ADAMTS20: variants seen among roughly 807,000 people sequenced by gnomAD.
ADAMTS20 encodes ADAM metallopeptidase with thrombospondin type 1 motif 20.
ADAMTS20 carries 225 observed loss-of-function variants against 260.1 expected under a neutral mutation model. The observed-to-expected ratio is 0.87, with a 90% CI of 0.78 to 0.97. The LOEUF (loss-of-function observed/expected upper bound fraction) is 0.97, where lower values mean the gene tolerates loss of function less well. Ranked by LOEUF, ADAMTS20 falls within the 50% of genes least tolerant of loss-of-function variation. ADAMTS20 has a pLI of 0.00. For synonymous variants in ADAMTS20, 802 were observed against 769.5 expected, an observed-to-expected ratio of 1.04 and a Z score of -0.70; for missense variants, 2,400 against 2,337.7, an observed-to-expected ratio of 1.03 and a Z score of -0.55.
intron 2 of ADAMTS20, among the ~76,000 whole-genome samples, chr12:43,536,274 C>A (rs760131337): frequency 1.6e-4 from 25 of 152,090 alleles, no homozygotes; most frequent in Non-Finnish European, 3.5e-4. Context: ...TTTGGCTTCA[C>A]AATTCATGCC....
At position 43,453,955 on chromosome 12, in the gene ADAMTS20, G is replaced by A. The variant is rs149746930; in HGVS notation, c.1712C>T (p.Thr571Ile). 2.0e-5 allele frequency: 32 copies of A among 1,612,702 alleles called. No individual in the cohort carries two copies. Among genetic ancestry groups the A allele is most frequent in the Non-Finnish European group, 2.6e-5 (31 of 1,179,374 alleles). ...PWEPYSSCSR[T>I]CGGGIESATR... is the part of the protein sequence containing the mutation. ...TGCACTTTCGATTCCGCCTCCACAT[G>A]TTCTTGAACAAGAACTGTAAGGTTC... is the stretch of plus-strand genomic sequence containing the variant. Residue 571 changes from threonine to isoleucine, a missense_variant, in exon 12 of 39, where the codon ACA becomes ATA. Coordinates refer to ENST00000389420, the MANE Select transcript of ADAMTS20 (RefSeq NM_025003.5).
rs746098727 is a variant in ADAMTS20 at position 43,551,220 on chromosome 12, C to T, written c.142G>A (p.Val48Ile). The part of the protein sequence containing the change: ...TSYEVVIPER[V>I]NEFGEVFPQS... ...GGGAACACTTCTCCAAACTCATTGACCCGCTCGGGGATCACTACTTCGTAG... is the reference window on the plus strand; with the variant it reads ...GGGAACACTTCTCCAAACTCATTGATCCGCTCGGGGATCACTACTTCGTAG... Residue 48 changes from valine to isoleucine, a missense_variant, in exon 2 of 39, where the codon GTC (valine) becomes ATC (isoleucine). Transcript: ENST00000389420. This position sits in a 1 kb window ranked among gnomAD's most constrained non-coding sequence, Gnocchi z 4.6. The T allele has an allele frequency of 1.1e-5, 17 of 1,613,744 alleles. No individual in the cohort carries two copies. The South Asian group carries it at 1.3e-4, about 13-fold the overall frequency.
intron 11 of ADAMTS20, among the ~76,000 whole-genome samples, chr12:43,461,138 C>T (rs2137371280): frequency 6.6e-6 from 1 of 150,766 alleles, no homozygotes; most frequent in Non-Finnish European, 1.5e-5. Context: ...TTACAGGCGC[C>T]TGTCACCACG....
At chr12:43,514,773 T>C (rs1407542554) in intron 3 of ADAMTS20, among the ~76,000 whole-genome samples, 2 of 152,106 alleles carry the variant, frequency 1.3e-5, no homozygotes, top group African/African-American at 4.8e-5. Context: ...GAAAATCTTA[T>C]ATCAGTGAAT....
chr12:43,535,432 G>A (rs1484166681), intron 2 of ADAMTS20, among the ~76,000 whole-genome samples: 1 of 151,910 alleles, frequency 6.6e-6, no homozygotes, highest in Non-Finnish European at 1.5e-5. Flanking sequence ...AAACTTGGGT[G>A]AGAAAAAAAA....
intron 4 of ADAMTS20, among the ~76,000 whole-genome samples, chr12:43,496,658 A>C (rs1169073323): frequency 6.6e-6 from 1 of 152,100 alleles, no homozygotes; most frequent in Non-Finnish European, 1.5e-5. Context: ...TTTAATATCC[A>C]TGTTGAGGCA....
At chr12:43,475,606 A>C (rs1942338635) in intron 7 of ADAMTS20, among the ~76,000 whole-genome samples, 1 of 152,190 alleles carries the variant, frequency 6.6e-6, no homozygotes, top group South Asian at 2.1e-4. Context: ...CTACAAGGCT[A>C]CAGTAACCAA....
At chr12:43,414,389 T>TGG (rs1206577553) in intron 28 of ADAMTS20, among the ~76,000 whole-genome samples, 1 of 152,130 alleles carries the variant, frequency 6.6e-6, no homozygotes, top group Non-Finnish European at 1.5e-5. Context: ...TCTCAGTAGC[T>TGG]ATTCCTGGGA....
At chr12:43,499,486 A>ATTT (rs71091160) in intron 4 of ADAMTS20, among the ~76,000 whole-genome samples, 1 of 126,102 alleles carries the variant, frequency 7.9e-6, no homozygotes, top group African/African-American at 3.0e-5. Context: ...GATGATACTG[A>ATTT]TTTTTTTTTT....
At chr12:43,506,325 G>A (rs7955013) in intron 3 of ADAMTS20, among the ~76,000 whole-genome samples, 52,862 of 151,802 alleles carry the variant, frequency 0.35, 9,799 homozygotes, top group East Asian at 0.75. Flanking sequence ...TGGTTACCAG[G>A]GGATAGAGAA....
intron 3 of ADAMTS20, among the ~76,000 whole-genome samples, chr12:43,520,623 C>A (rs1943058125): frequency 6.6e-6 from 1 of 152,098 alleles, no homozygotes; most frequent in South Asian, 2.1e-4. Context: ...CATAAGTGAT[C>A]TTTGAAAGAG....
At chr12:43,389,867 C>T (rs1940561730) in intron 29 of ADAMTS20, among the ~76,000 whole-genome samples, 1 of 152,174 alleles carries the variant, frequency 6.6e-6, no homozygotes, top group Non-Finnish European at 1.5e-5. Context: ...CTTCCTTGCT[C>T]ATGTGCCCAA....
At chr12:43,423,544 T>C (rs1941273568) in intron 28 of ADAMTS20, 8 of 593,360 alleles carry the variant, frequency 1.3e-5, no homozygotes, top group Admixed American at 6.0e-5. Context: ...TCTGCTCTCC[T>C]AATTGGGAAA....
At chr12:43,479,839 T>C (rs1251541790) in intron 7 of ADAMTS20, among the ~76,000 whole-genome samples, 2 of 151,812 alleles carry the variant, frequency 1.3e-5, no homozygotes, top group Non-Finnish European at 2.9e-5. Flanking sequence ...CAGACATTCA[T>C]GAAATAAAAA....
At chr12:43,467,861 T>G (rs1942183555) in intron 8 of ADAMTS20, among the ~76,000 whole-genome samples, 1 of 152,138 alleles carries the variant, frequency 6.6e-6, no homozygotes, top group African/African-American at 2.4e-5. Flanking sequence ...ACTAGGAAAT[T>G]AAATGTGGTC....
At chr12:43,458,372 T>C (rs1387037017) in intron 11 of ADAMTS20, among the ~76,000 whole-genome samples, 1 of 152,262 alleles carries the variant, frequency 6.6e-6, no homozygotes, top group Non-Finnish European at 1.5e-5. Flanking sequence ...AAGATATTTT[T>C]CTTTCACACC....
intron 18 of ADAMTS20, among the ~76,000 whole-genome samples, chr12:43,435,690 A>AAT (rs58070036): frequency 6.7e-6 from 1 of 149,732 alleles, no homozygotes; most frequent in East Asian, 2.0e-4. Context: ...AAATAAAAAA[A>AAT]GTCTATAAAA....
intron 36 of ADAMTS20, among the ~76,000 whole-genome samples, chr12:43,373,482 T>C (rs1473877285): frequency 6.6e-6 from 1 of 151,962 alleles, no homozygotes; most frequent in Non-Finnish European, 1.5e-5. Context: ...TAAAATACAC[T>C]AACACTAAGA....
chr12:43,488,130 G>A (rs1942550576), intron 7 of ADAMTS20, among the ~76,000 whole-genome samples: 1 of 151,932 alleles, frequency 6.6e-6, no homozygotes, highest in Non-Finnish European at 1.5e-5. Flanking sequence ...TGATTTTTTA[G>A]AGTGGTTCAA....
Sources: gnomAD v4.1 joint callset for allele counts (sites outside exome capture counted in the v4.1 genomes callset) on GRCh38, gnomAD v4.1.1 for gene constraint, Gnocchi (gnomAD v3.1) non-coding constraint, MANE v1.5 for transcripts, NCBI Gene and HGNC (gene_info 2026-07-23, HGNC 2026-07-21) for gene names.